Variants in HMCN1 observed in about 807,000 individuals in gnomAD.
The protein encoded by HMCN1 is hemicentin-1.
HMCN1 carries 321 observed loss-of-function variants against 625.9 expected under a neutral mutation model. The ratio of observed to expected loss-of-function variants is 0.51; its 90% CI spans 0.47 to 0.56. The LOEUF (loss-of-function observed/expected upper bound fraction) is 0.56. HMCN1 is among the 20% of genes least tolerant of loss of function. HMCN1 has a pLI of 0.00. For missense variants in HMCN1, 6,588 were observed against 6,887.3 expected (o/e 0.96, Z 1.54); for synonymous variants, 2,425 against 2,417.6 (o/e 1.00, Z -0.09).
chr1:185,929,889 C>T (rs560066344), intron 10 of HMCN1, among the ~76,000 whole-genome samples: 1 of 152,276 alleles, frequency 6.6e-6, no homozygotes, highest in East Asian at 1.9e-4. Flanking sequence ...TTATGAAAAG[C>T]ATTGGAGTCA....
intron 1 of HMCN1, among the ~76,000 whole-genome samples, chr1:185,805,197 T>A (rs919868635): frequency 6.6e-6 from 1 of 152,178 alleles, no homozygotes; most frequent in Non-Finnish European, 1.5e-5. Context: ...ATAGCATTTT[T>A]AAAAAATTCT....
rs1349789072 is a variant in HMCN1 at position 185,987,450 on chromosome 1, A to G, written c.2954A>G (p.His985Arg). The G allele has an allele frequency of 3.7e-6, 6 of 1,613,320 alleles. No homozygotes were observed. The East Asian group carries it at 8.9e-5, about 24-fold the overall frequency. The stretch of plus-strand genomic sequence containing the variant: ...TTTTCAGTTCTGCCAACCATTCAGC[A>G]TGGGCAGCAGATACTCAGTACAATT... ...VVVHVLPTIQ[H>R]GQQILSTIEG... Residue 985 changes from histidine (H) to arginine (R), a missense_variant, in exon 20 of 107, where the codon CAT becomes CGT. Around this residue, in one of 3 missense-constraint regions of HMCN1, gnomAD observed 4,628 missense variants for 4,853.1 expected, o/e 0.95. Transcript: ENST00000271588.
intron 53 of HMCN1, 75 bp downstream of exon 53, chr1:186,074,966 T>G: frequency 8.0e-7 from 1 of 1,248,728 alleles, no homozygotes; most frequent in South Asian, 1.3e-5. Flanking sequence ...ATTTGACTTA[T>G]TTTAAACAGT....
rs377069568 is a variant in HMCN1 at position 185,891,624 on chromosome 1, A to T, written c.622-17713A>T. Among the ~76,000 whole-genome samples, 1,195 of 142,526 alleles carry T rather than the reference A, an allele frequency of 8.4e-3. 62 individuals carry two copies. The highest frequency in any genetic ancestry group is 0.028 in the African/African-American group (893 of 32,322). The allele number at this position is 142,526 out of a possible 152,430, so 93.5% of individuals were successfully genotyped here. ...GGTTGAAAATTCTTTTCTTTAAGAA[A>T]GTTGAATATTGGCCCCCACTCTCTT... On this transcript the variant is annotated intron_variant, in intron 4 of 106. Coordinates refer to ENST00000271588, the MANE Select transcript of HMCN1 (RefSeq NM_031935.3).
rs537054756 is a variant in HMCN1 at position 185,834,765 on chromosome 1, T to C, written c.269-11261T>C. On this transcript the variant is annotated intron_variant, in intron 1 of 106. Coordinates refer to ENST00000271588, the MANE Select transcript of HMCN1 (RefSeq NM_031935.3). The stretch of plus-strand genomic sequence containing the variant: ...CCGTTTTAGAGGATGCTTGCCACAT[T>C]TGATAAATACTGAACAGACAGCTAA... Among the ~76,000 whole-genome samples, 307 of 152,216 alleles carry C rather than the reference T, an allele frequency of 2.0e-3. 1 individual carries two copies. The highest frequency in any genetic ancestry group is 0.014 in the Middle Eastern group (4 of 294).
At chr1:185,802,194 G>C (rs890911579) in intron 1 of HMCN1, among the ~76,000 whole-genome samples, 17 of 152,074 alleles carry the variant, frequency 1.1e-4, no homozygotes, top group Admixed American at 7.2e-4. Context: ...CAACACCTAA[G>C]TTTTTGGATT....
intron 4 of HMCN1, among the ~76,000 whole-genome samples, chr1:185,872,272 A>G (rs1663666046): frequency 6.6e-6 from 1 of 151,938 alleles, no homozygotes; most frequent in African/African-American, 2.4e-5. Context: ...TTTTTGTGCT[A>G]AGATTGACAT....
chr1:186,037,716 T>A (rs1347182547), intron 36 of HMCN1, among the ~76,000 whole-genome samples: 1 of 152,214 alleles, frequency 6.6e-6, no homozygotes, highest in Non-Finnish European at 1.5e-5. Context: ...GATTTTCCTA[T>A]CTGGACACAG....
At position 185,898,885 on chromosome 1, in the gene HMCN1, T is replaced by TAA. The variant is rs566386597; in HGVS notation, c.622-10439_622-10438dup. Among the ~76,000 whole-genome samples the TAA allele has an allele frequency of 8.3e-3, 1,182 of 142,048 alleles. 18 individuals are homozygous for TAA. Among genetic ancestry groups the TAA allele is most frequent in the African/African-American group, 0.027 (1,061 of 39,622 alleles). 93.2% of individuals were successfully genotyped at this position (142,048 alleles called of 152,430 possible). On this transcript the variant is annotated intron_variant, in intron 4 of 106. Coordinates refer to ENST00000271588, the MANE Select transcript of HMCN1 (RefSeq NM_031935.3). ...CACCATTGACTGGTCTTCAGACAGC[T>TAA]AAAAAAAAAAAAAATCAGACATTGA... is the stretch of plus-strand genomic sequence containing the variant.
intron 7 of HMCN1, among the ~76,000 whole-genome samples, chr1:185,922,881 T>A (rs539923364): frequency 6.6e-6 from 1 of 152,190 alleles, no homozygotes; most frequent in African/African-American, 2.4e-5. Context: ...AATTACCTAT[T>A]GTCAAGGTAA....
At chr1:186,055,782 C>G in intron 45 of HMCN1, 108 bp downstream of exon 45, 3 of 1,068,340 alleles carry the variant, frequency 2.8e-6, no homozygotes, top group Non-Finnish European at 4.3e-6. Context: ...TATAACCCAT[C>G]ATTTTAAACA....
chr1:186,085,600 C>G (rs1205005098), intron 57 of HMCN1, among the ~76,000 whole-genome samples: 1 of 152,062 alleles, frequency 6.6e-6, no homozygotes, highest in African/African-American at 2.4e-5. Context: ...TAACAGCCCC[C>G]TCTCACTTTC....
chr1:185,864,477 G>A lies in HMCN1; in HGVS notation c.347G>A (p.Gly116Asp). Residue 116 changes from glycine (G) to aspartate (D), a missense_variant, in exon 3 of 107, where the codon GGT (glycine) becomes GAT (aspartate). Gly to Asp is a moderately conservative substitution (Grantham distance 94). Around this residue, in one of 3 missense-constraint regions of HMCN1, gnomAD observed 4,628 missense variants for 4,853.1 expected, o/e 0.95. Transcript: ENST00000271588. ...TTTCTCTCCACTCAACAGGGTGGTG[G>A]TGATTGCCCAGAAATGAGTATTGGA... ...ELRELYVQGG[G>D]DCPEMSIGAI... 6.2e-7 allele frequency: 1 copy of A among 1,613,914 alleles called. No individual in the cohort carries two copies. Among genetic ancestry groups the A allele is most frequent in the Non-Finnish European group, 8.5e-7 (1 of 1,179,900 alleles).
At chr1:186,045,429 A>C (rs1656495214) in intron 40 of HMCN1, among the ~76,000 whole-genome samples, 1 of 152,124 alleles carries the variant, frequency 6.6e-6, no homozygotes, top group Admixed American at 6.6e-5. Context: ...GAAGTTTCTT[A>C]ATTGGGCACT....
At chr1:186,063,065 T>C (rs201761269) in intron 48 of HMCN1, among the ~76,000 whole-genome samples, 15 of 82,032 alleles carry the variant, frequency 1.8e-4, no homozygotes, top group African/African-American at 2.5e-4. Flanking sequence ...TGTGTGTGTG[T>C]GCATATATAT....
rs181388014 is a variant in HMCN1, at chr1:185,975,596, A to C, written c.2372-2191A>C. Among the ~76,000 whole-genome samples the C allele has an allele frequency of 7.7e-4, 117 of 152,238 alleles. 1 individual carries two copies. The highest frequency in any genetic ancestry group is 5.8e-4 in the East Asian group (3 of 5,188). ...GATTTGGGCAGGGACACAGATCCAA[A>C]CCGTATCACTTAGAATAAGCAAGCT... On this transcript the variant is annotated intron_variant, in intron 15 of 106. Transcript: ENST00000271588.
At chr1:185,819,237 C>CAA (rs575598587) in intron 1 of HMCN1, among the ~76,000 whole-genome samples, 12 of 125,128 alleles carry the variant, frequency 9.6e-5, no homozygotes, top group African/African-American at 2.3e-4. Flanking sequence ...ATCTCCATCT[C>CAA]AAAAAAAAAA....
chr1:186,085,307 C>T (rs562283910), intron 57 of HMCN1, among the ~76,000 whole-genome samples: 3 of 152,144 alleles, frequency 2.0e-5, no homozygotes, highest in East Asian at 1.9e-4. Context: ...TTCTGGTGGC[C>T]GGAAAGTCCA....
At chr1:185,923,757 A>G (rs1020649936) in intron 8 of HMCN1, 104 bp downstream of exon 8, 1 of 957,626 alleles carries the variant, frequency 1.0e-6, no homozygotes, top group Non-Finnish European at 1.6e-6. Flanking sequence ...ATGTCTTCAT[A>G]TTATTACTGC....
Sources: allele counts gnomAD v4.1 joint callset (sites outside exome capture counted in the v4.1 genomes callset), GRCh38; gene constraint gnomAD v4.1.1; regional missense constraint gnomAD v4.1.1; transcripts MANE v1.5; gene names NCBI Gene and HGNC (gene_info 2026-07-23, HGNC 2026-07-21).